Variants in DDX23 observed in about 807,000 individuals in gnomAD.
DDX23 encodes the protein probable ATP-dependent RNA helicase DDX23.
In DDX23, 33 loss-of-function variants were observed where a neutral mutation model predicts 102.7. The ratio of observed to expected loss-of-function variants is 0.32; its 90% CI spans 0.24 to 0.43. DDX23 has a LOEUF of 0.43. Ranked by LOEUF, DDX23 falls within the 20% of genes least tolerant of loss-of-function variation. The pLI, the probability that DDX23 is intolerant of heterozygous loss-of-function variation, is 1.00. For synonymous variants in DDX23, 352 were observed against 376.0 expected (o/e 0.94, Z 0.74); for missense variants, 549 against 1,086.6 (o/e 0.51, Z 6.96).
At chr12:48,845,154 TAAAAA>T (rs60186795) in intron 2 of DDX23, among the ~76,000 whole-genome samples, 1 of 131,142 alleles carries the variant, frequency 7.6e-6, no homozygotes, top group African/African-American at 2.9e-5. Context: ...CTCCATCTTT[TAAAAA>T]AAAAAAAAAA....
intron 15 of DDX23, chr12:48,831,785 T>C (rs1021753914): frequency 2.4e-5 from 12 of 494,976 alleles, no homozygotes; most frequent in Non-Finnish European, 4.3e-5. Context: ...CCTACTCTTT[T>C]CTACATCCTC....
At chr12:48,851,611 G>A (rs1592207092) in intron 1 of DDX23, among the ~76,000 whole-genome samples, 1 of 152,252 alleles carries the variant, frequency 6.6e-6, no homozygotes, top group Non-Finnish European at 1.5e-5. Context: ...GATGTGGAAG[G>A]CTTGGAAGAG....
At chr12:48,837,701 A>C in intron 6 of DDX23, 44 bp from the exon 7 acceptor site, 1 of 1,610,424 alleles carries the variant, frequency 6.2e-7, no homozygotes, top group Non-Finnish European at 8.5e-7. Flanking sequence ...CTCATGGAAG[A>C]AAAGAGGAGA....
At chr12:48,848,543 T>C (rs565270916) in intron 1 of DDX23, among the ~76,000 whole-genome samples, 37 of 151,830 alleles carry the variant, frequency 2.4e-4, no homozygotes, top group African/African-American at 8.7e-4. Flanking sequence ...CCTTGTTAGA[T>C]ACAAGAAATG....
chr12:48,829,935 G>A lies in DDX23; in HGVS notation c.*534C>T. On this transcript the variant is annotated 3_prime_UTR_variant, in exon 17 of 17. Coordinates refer to ENST00000308025, the MANE Select transcript of DDX23 (RefSeq NM_004818.3). ...CCTAGAGCATACAGCACCCCTTGGTGCGGGGCTGTGCACAGGTCTAAAGAC... is the reference window on the plus strand; with the variant it reads ...CCTAGAGCATACAGCACCCCTTGGTACGGGGCTGTGCACAGGTCTAAAGAC... 3.0e-6 allele frequency: 1 copy of A among 333,262 alleles called. No homozygotes were observed. 20.6% of individuals were successfully genotyped at this position (333,262 alleles called of 1,614,324 possible).
Position 48,832,636 on chromosome 12 carries a change from C to T in DDX23, c.1804-63G>A, listed in dbSNP as rs938560277. 21 of 1,581,280 alleles carry T rather than the reference C, an allele frequency of 1.3e-5. No homozygotes were observed. Among genetic ancestry groups the T allele is most frequent in the East Asian group, 1.1e-4 (5 of 44,168 alleles). The stretch of plus-strand genomic sequence containing the variant: ...GAATAATCATATATCCCACTGTCAC[C>T]GAAGGCAGGTCAGCCCAGACTAAAG... On this transcript the variant is annotated intron_variant, in intron 13 of 16. Transcript: ENST00000308025. This position sits in a 1 kb window ranked among gnomAD's most constrained non-coding sequence, Gnocchi z 4.4.
chr12:48,835,610 T>C (rs1938458368), intron 11 of DDX23, among the ~76,000 whole-genome samples: 1 of 152,156 alleles, frequency 6.6e-6, no homozygotes, highest in Non-Finnish European at 1.5e-5. Context: ...CTTGGGAGGC[T>C]GAGGGAGGAG....
At chr12:48,835,975 A>T in intron 11 of DDX23, 146 bp downstream of exon 11, 1 of 949,582 alleles carries the variant, frequency 1.1e-6, no homozygotes, top group Non-Finnish European at 1.6e-6. Flanking sequence ...CTTCGATATC[A>T]TGATCCAATT....
At chr12:48,837,890 AT>A in intron 6 of DDX23, 51 bp downstream of exon 6, 1 of 1,610,084 alleles carries the variant, frequency 6.2e-7, no homozygotes. Flanking sequence ...ACTGTATCTC[AT>A]CCCACTCTTT....
At chr12:48,851,640 T>C (rs1034481042) in intron 1 of DDX23, among the ~76,000 whole-genome samples, 1 of 152,200 alleles carries the variant, frequency 6.6e-6, no homozygotes, top group East Asian at 1.9e-4. Flanking sequence ...GCTTGAGCTT[T>C]TAAGTATAAG....
intron 3 of DDX23, among the ~76,000 whole-genome samples, chr12:48,841,659 C>T (rs1468434755): frequency 1.3e-5 from 2 of 152,246 alleles, no homozygotes; most frequent in East Asian, 3.8e-4. Context: ...GACGGGGTTT[C>T]GCTGTGTTGG....
intron 1 of DDX23, among the ~76,000 whole-genome samples, chr12:48,846,438 G>C (rs1278960600): frequency 6.6e-6 from 1 of 152,088 alleles, no homozygotes; most frequent in African/African-American, 2.4e-5. Flanking sequence ...AACCCACTAG[G>C]ATCAGTTAGC....
chr12:48,834,705 A>C, intron 11 of DDX23: 1 of 461,234 alleles, frequency 2.2e-6, no homozygotes, highest in Non-Finnish European at 3.8e-6. Context: ...AGGCTGAGGC[A>C]GGCGGATCAC....
rs113652417 is a variant in DDX23 at position 48,844,813 on chromosome 12, A to C, written c.209+761T>G. On this transcript the variant is annotated intron_variant, in intron 2 of 16. Coordinates refer to ENST00000308025, the MANE Select transcript of DDX23 (RefSeq NM_004818.3). ...GAGTTGGGTCACTGAGGAAAACTGA[A>C]AACACCTGCAGGTCCAACTGGGCTA... Among the ~76,000 whole-genome samples the C allele has an allele frequency of 8.5e-3, 1,293 of 151,612 alleles. 19 individuals are homozygous for C. The highest frequency in any genetic ancestry group is 0.03 in the African/African-American group (1,238 of 41,362).
Position 48,838,050 on chromosome 12 carries a change from C to A in DDX23, c.511G>T (p.Ala171Ser). ...PKFLSKAERE[A>S]EALKRRQQEV... ...TGCTGCCGTCGCTTTAGAGCTTCAG[C>A]CTCTCGTTCTGCTTTAGAGAGGAAC... Residue 171 changes from alanine (A) to serine (S), a missense_variant, in exon 6 of 17, where the codon GCT becomes TCT. Physicochemically the swap from Ala to Ser is moderately conservative, Grantham distance 99 (BLOSUM62 1). Coordinates refer to ENST00000308025, the MANE Select transcript of DDX23 (RefSeq NM_004818.3). The A allele has an allele frequency of 6.2e-7, 1 of 1,614,224 alleles. No individual in the cohort carries two copies. The highest frequency in any genetic ancestry group is 8.5e-7 in the Non-Finnish European group (1 of 1,180,050).
At position 48,830,389 on chromosome 12, in the gene DDX23, G is replaced by A. The variant is rs1409120539; in HGVS notation, c.*80C>T. On this transcript the variant is annotated 3_prime_UTR_variant, in exon 17 of 17. Transcript: ENST00000308025. This position sits in a 1 kb window ranked among gnomAD's most constrained non-coding sequence, Gnocchi z 4.9. Reference sequence around the variant, plus strand: ...CCCATATCCCAAGAGTGAGGACCTGGAAAGAGGGATGTGAGGGTTCTGAAA... The same window carrying A: ...CCCATATCCCAAGAGTGAGGACCTGAAAAGAGGGATGTGAGGGTTCTGAAA... The A allele has an allele frequency of 1.3e-6, 2 of 1,500,608 alleles. No homozygotes were observed. The highest frequency in any genetic ancestry group is 1.2e-5 in the South Asian group (1 of 86,904). 93.0% of individuals were successfully genotyped at this position (1,500,608 alleles called of 1,614,324 possible). A position where few individuals can be genotyped will look rare whatever the true frequency, so the allele number is the denominator to read the frequency against.
intron 6 of DDX23, 81 bp downstream of exon 6, chr12:48,837,861 T>C: frequency 6.3e-7 from 1 of 1,588,696 alleles, no homozygotes; most frequent in South Asian, 1.2e-5. Flanking sequence ...TGAACAGGTT[T>C]CTATCTCTCC....
At chr12:48,838,194 G>A in intron 5 of DDX23, 114 bp from the exon 6 acceptor site, 2 of 1,478,616 alleles carry the variant, frequency 1.4e-6, no homozygotes, top group South Asian at 2.5e-5. Context: ...TAAGCCTGTT[G>A]AGGAAAACAC....
chr12:48,840,680 G>A (rs1938536010), intron 3 of DDX23, among the ~76,000 whole-genome samples: 1 of 151,584 alleles, frequency 6.6e-6, no homozygotes, highest in African/African-American at 2.4e-5. Context: ...AGCCTCCTGA[G>A]TAGCTGGGAC....
Sources: gnomAD v4.1 joint callset for allele counts (sites outside exome capture counted in the v4.1 genomes callset) on GRCh38, gnomAD v4.1.1 for gene constraint, Gnocchi (gnomAD v3.1) non-coding constraint, MANE v1.5 for transcripts, NCBI Gene and HGNC (gene_info 2026-07-23, HGNC 2026-07-21) for gene names.